Variants in IFT57 observed in about 807,000 individuals in gnomAD.
IFT57 encodes intraflagellar transport protein 57 homolog.
A neutral mutation model predicts 56.8 loss-of-function variants in IFT57; 59 were observed. The observed-to-expected ratio is 1.04, with a 90% CI of 0.84 to 1.29. IFT57 has a LOEUF of 1.29. Ranked by LOEUF, IFT57 falls within the 50% of genes most tolerant of loss-of-function variation. IFT57 has a pLI of 0.00. For synonymous variants in IFT57, 209 were observed against 186.1 expected, an observed-to-expected ratio of 1.12 and a Z score of -1.00; for missense variants, 470 against 522.1, an observed-to-expected ratio of 0.90 and a Z score of 0.97.
At chr3:108,198,024 G>T (rs112113473) in intron 5 of IFT57, among the ~76,000 whole-genome samples, 9 of 152,084 alleles carry the variant, frequency 5.9e-5, no homozygotes, top group South Asian at 2.1e-4. Flanking sequence ...TGCCAAACAC[G>T]GTACTAGATG....
intron 5 of IFT57, among the ~76,000 whole-genome samples, chr3:108,205,576 A>G (rs2080304816): frequency 6.6e-6 from 1 of 150,972 alleles, no homozygotes; most frequent in Non-Finnish European, 1.5e-5. Flanking sequence ...TTATAAATAC[A>G]AAGATCATCC....
intron 5 of IFT57, among the ~76,000 whole-genome samples, chr3:108,195,670 A>G (rs1330761251): frequency 6.6e-6 from 1 of 152,198 alleles, no homozygotes; most frequent in African/African-American, 2.4e-5. Context: ...CATTTGTAGC[A>G]ACATGGATGG....
intron 6 of IFT57, among the ~76,000 whole-genome samples, chr3:108,188,297 C>T (rs564388226): frequency 1.4e-4 from 21 of 152,218 alleles, no homozygotes; most frequent in African/African-American, 4.6e-4. Context: ...AGAAACTTTT[C>T]ATTAGCTCCT....
intron 6 of IFT57, among the ~76,000 whole-genome samples, chr3:108,172,617 T>A (rs2080100673): frequency 6.6e-6 from 1 of 151,660 alleles, no homozygotes; most frequent in African/African-American, 2.4e-5. Context: ...CTTGTGAGAA[T>A]AGAAAGGAAG....
At chr3:108,210,262 TG>T in intron 4 of IFT57, among the ~76,000 whole-genome samples, 1 of 151,972 alleles carries the variant, frequency 6.6e-6, no homozygotes, top group South Asian at 2.1e-4. Context: ...TAACTTGATA[TG>T]GGCAGTTCAA....
intron 5 of IFT57, among the ~76,000 whole-genome samples, chr3:108,197,396 G>A (rs922217143): frequency 6.6e-6 from 1 of 152,144 alleles, no homozygotes; most frequent in Non-Finnish European, 1.5e-5. Flanking sequence ...GATGGGAACT[G>A]ATCCTAACTG....
chr3:108,183,847 A>G (rs2080164676), intron 6 of IFT57, among the ~76,000 whole-genome samples: 1 of 152,176 alleles, frequency 6.6e-6, no homozygotes, highest in African/African-American at 2.4e-5. Flanking sequence ...AAATTACAGA[A>G]AGTAAAAATT....
intron 7 of IFT57, 69 bp from the exon 8 acceptor site, chr3:108,167,054 G>T: frequency 1.4e-6 from 2 of 1,395,690 alleles, no homozygotes; most frequent in Non-Finnish European, 2.0e-6. Context: ...ATTAAAAATG[G>T]GTTACATCTC....
At chr3:108,194,410 C>T (rs911190214) in intron 5 of IFT57, among the ~76,000 whole-genome samples, 18 of 152,114 alleles carry the variant, frequency 1.2e-4, no homozygotes, top group African/African-American at 3.9e-4. Context: ...ATTAAACTGT[C>T]CATACTACCC....
rs373228018 is a variant in IFT57, at chr3:108,162,621, T to C, written c.1146A>G (p.Lys382=). ...CCATCTCTACAGTTTCTTGCTTCAG[T>C]TTTGTTAAGCTCTGTTTAATCTTCA... is the stretch of plus-strand genomic sequence containing the variant. ...PLVKIKQSLT[K]LKQETVEMDI... The change falls in exon 11 of 11, where the codon AAA becomes AAG. Residue 382 remains lysine (K), a synonymous_variant. Coordinates refer to ENST00000264538, the MANE Select transcript of IFT57 (RefSeq NM_018010.4). 123 of 1,610,840 alleles carry C rather than the reference T, an allele frequency of 7.6e-5. No individual in the cohort carries two copies. Among genetic ancestry groups the C allele is most frequent in the Non-Finnish European group, 1.0e-4 (120 of 1,178,324 alleles).
chr3:108,176,584 G>C (rs2080125224), intron 6 of IFT57, among the ~76,000 whole-genome samples: 1 of 151,840 alleles, frequency 6.6e-6, no homozygotes, highest in South Asian at 2.1e-4. Flanking sequence ...GAACACGAGG[G>C]AAGGTTGCTG....
At position 108,222,102 on chromosome 3, in the gene IFT57, G is replaced by A; in HGVS notation, c.212+9C>T. 1 of 1,587,830 alleles carries A rather than the reference G, an allele frequency of 6.3e-7. No individual in the cohort carries two copies. The highest frequency in any genetic ancestry group is 8.6e-7 in the Non-Finnish European group (1 of 1,167,432). On this transcript the variant is annotated intron_variant, in intron 1 of 10. Transcript: ENST00000264538. ...AGGCACCCGGGCGCTCGGGGACGCC[G>A]GCACCCACCTGGACGGGGCCTTCAG...
chr3:108,220,177 T>A (rs568413325), intron 1 of IFT57, among the ~76,000 whole-genome samples: 1 of 152,346 alleles, frequency 6.6e-6, no homozygotes, highest in Admixed American at 6.5e-5. Flanking sequence ...TTATAAGGTG[T>A]AGTCAGGATT....
intron 3 of IFT57, among the ~76,000 whole-genome samples, chr3:108,216,451 C>G (rs994667120): frequency 5.9e-5 from 9 of 152,036 alleles, no homozygotes; most frequent in Non-Finnish European, 1.5e-5. Flanking sequence ...TGGCTATTAC[C>G]CAACCCCTCG....
intron 5 of IFT57, among the ~76,000 whole-genome samples, chr3:108,200,725 C>T (rs774963669): frequency 6.6e-6 from 1 of 151,990 alleles, no homozygotes; most frequent in Admixed American, 6.6e-5. Context: ...GTCTAGTGGG[C>T]CTTCAATAAT....
intron 4 of IFT57, among the ~76,000 whole-genome samples, chr3:108,211,815 A>T (rs1160745940): frequency 6.6e-6 from 1 of 152,234 alleles, no homozygotes; most frequent in Non-Finnish European, 1.5e-5. Flanking sequence ...GAAAACAATC[A>T]TCCATAATTC....
intron 6 of IFT57, among the ~76,000 whole-genome samples, chr3:108,185,636 G>A (rs553672752): frequency 1.0e-4 from 14 of 135,108 alleles, no homozygotes; most frequent in South Asian, 2.3e-4. Flanking sequence ...TCAGCTCATC[G>A]CAACCTCCCC....
At chr3:108,178,587 T>A (rs2080136078) in intron 6 of IFT57, among the ~76,000 whole-genome samples, 4 of 151,892 alleles carry the variant, frequency 2.6e-5, no homozygotes, top group Admixed American at 2.0e-4. Context: ...GATGGCCCGA[T>A]GGCTAAACAC....
At chr3:108,202,185 C>A (rs186928165) in intron 5 of IFT57, among the ~76,000 whole-genome samples, 1 of 151,902 alleles carries the variant, frequency 6.6e-6, no homozygotes, top group African/African-American at 2.4e-5. Context: ...TTTTTCACTG[C>A]GGGAGGAGAA....
Sources: gnomAD v4.1 joint callset for allele counts (sites outside exome capture counted in the v4.1 genomes callset) on GRCh38, gnomAD v4.1.1 for gene constraint, MANE v1.5 for transcripts, NCBI Gene and HGNC (gene_info 2026-07-23, HGNC 2026-07-21) for gene names.